The following DST variants were observed in gnomAD, a reference collection of about 807,000 sequenced individuals.
DST encodes the protein dystonin.
DST carries 253 observed loss-of-function variants against 875.2 expected under a neutral mutation model. The ratio of observed to expected loss-of-function variants is 0.29; its 90% CI spans 0.26 to 0.32. The LOEUF (loss-of-function observed/expected upper bound fraction) is 0.32, where lower values mean the gene tolerates loss of function less well. Ranked by LOEUF, DST falls within the 10% of genes least tolerant of loss-of-function variation. DST has a pLI of 1.00. For missense variants in DST, 8,287 were observed against 9,111.6 expected (o/e 0.91, Z 3.68); for synonymous variants, 3,124 against 3,197.1 (o/e 0.98, Z 0.77).
At chr6:56,673,932 T>G (rs987434983) in intron 9 of DST, among the ~76,000 whole-genome samples, 1 of 152,220 alleles carries the variant, frequency 6.6e-6, no homozygotes, top group East Asian at 1.9e-4. Context: ...AGGTATTTTT[T>G]AAAATACTGT....
intron 88 of DST, chr6:56,484,801 TAGCATAA>T (rs1257601376): frequency 6.5e-6 from 1 of 152,712 alleles, no homozygotes; most frequent in Non-Finnish European, 1.5e-5. Context: ...AAATCCCTTA[TAGCATAA>T]GCTGCTGACT....
rs1221723235 is a variant in DST at position 56,714,937 on chromosome 6, T to C, written c.688-10568A>G. Among the ~76,000 whole-genome samples the C allele has an allele frequency of 2.6e-5, 4 of 152,240 alleles. No homozygotes were observed. The highest frequency in any genetic ancestry group is 9.6e-5 in the African/African-American group (4 of 41,476). ...AGTACACCAATCATCATTTTACTTA[T>C]AGTTTTATGTAGACAATATACATAA... On this transcript the variant is annotated intron_variant, in intron 5 of 103. Coordinates refer to ENST00000680361, the MANE Select transcript of DST (RefSeq NM_001374736.1). This position sits in a 1 kb window ranked among gnomAD's most constrained non-coding sequence, Gnocchi z 4.5.
intron 2 of DST, among the ~76,000 whole-genome samples, chr6:56,908,001 G>A (rs972284015): frequency 3.9e-5 from 6 of 152,102 alleles, no homozygotes; most frequent in Admixed American, 1.3e-4. Flanking sequence ...GCCCAGGGGC[G>A]GAGGTTGCAG....
At chr6:56,527,106 A>C (rs1162846434) in intron 68 of DST, among the ~76,000 whole-genome samples, 1 of 152,212 alleles carries the variant, frequency 6.6e-6, no homozygotes, top group Non-Finnish European at 1.5e-5. Context: ...AGGAATGATT[A>C]CCATGCAGTG....
intron 4 of DST, among the ~76,000 whole-genome samples, chr6:56,786,563 C>T (rs543956538): frequency 1.2e-4 from 18 of 152,298 alleles, no homozygotes; most frequent in Admixed American, 6.5e-4. Context: ...GACAGAGTCT[C>T]GCTCTGTCAC....
chr6:56,712,333 A>G (rs183582910), intron 5 of DST, among the ~76,000 whole-genome samples: 138 of 152,274 alleles, frequency 9.1e-4, no homozygotes, highest in Non-Finnish European at 1.5e-3. Flanking sequence ...GGAGAAACCA[A>G]TCCATATCCT....
rs533023595 is a variant in DST at position 56,476,182 on chromosome 6, G to A, written c.21831C>T (p.Ile7277=). 1.1e-5 allele frequency: 17 copies of A among 1,611,656 alleles called. No homozygotes were observed. The highest frequency in any genetic ancestry group is 1.6e-4 in the Middle Eastern group (1 of 6,072). ...DKDKEVIPQE[I]EEVKALIAEH... The stretch of plus-strand genomic sequence containing the variant: ...CTGCAATGAGTGCTTTCACCTCTTC[G>A]ATCTCCTGGGGGATGACTTCTTTAT... Residue 7277 remains isoleucine, a synonymous_variant, in exon 92 of 104, where the codon ATC becomes ATT. Transcript: ENST00000680361.
At chr6:56,771,311 A>C (rs2099661861) in intron 4 of DST, among the ~76,000 whole-genome samples, 1 of 152,160 alleles carries the variant, frequency 6.6e-6, no homozygotes. Context: ...CAGGGCCCCC[A>C]ATTTAGGCTA....
At chr6:56,755,042 T>C (rs1189885705) in intron 4 of DST, among the ~76,000 whole-genome samples, 5 of 150,388 alleles carry the variant, frequency 3.3e-5, no homozygotes, top group East Asian at 2.0e-4. Flanking sequence ...TCCAGGACTA[T>C]AAAAAATACC....
intron 2 of DST, among the ~76,000 whole-genome samples, chr6:56,918,113 G>C (rs938036163): frequency 2.0e-5 from 3 of 148,960 alleles, no homozygotes; most frequent in African/African-American, 7.6e-5. Context: ...TCAGGTTCAG[G>C]TGTACATTCT....
At chr6:56,755,942 T>A (rs1302684784) in intron 4 of DST, among the ~76,000 whole-genome samples, 2 of 152,230 alleles carry the variant, frequency 1.3e-5, no homozygotes, top group Admixed American at 6.5e-5. Flanking sequence ...AGGGGCCTGA[T>A]CTAGCTCTTC....
intron 47 of DST, among the ~76,000 whole-genome samples, chr6:56,596,351 G>A (rs2098386702): frequency 1.3e-5 from 2 of 152,136 alleles, no homozygotes; most frequent in Admixed American, 6.6e-5. Flanking sequence ...CTAAAGCACA[G>A]ATTCCCATAT....
intron 4 of DST, among the ~76,000 whole-genome samples, chr6:56,744,240 T>C (rs1250444424): frequency 6.6e-6 from 1 of 151,790 alleles, no homozygotes; most frequent in Non-Finnish European, 1.5e-5. Flanking sequence ...TTAATGACTC[T>C]AAAGAGTGGA....
At chr6:56,540,430 C>T (rs1423899788) in intron 61 of DST, 1 of 152,600 alleles carries the variant, frequency 6.6e-6, no homozygotes, top group African/African-American at 2.4e-5. Flanking sequence ...GAGGAGCCTC[C>T]ACTTCCTCTT....
At chr6:56,508,882 G>C (rs1349441629) in intron 74 of DST, 127 bp from the exon 75 acceptor site, 7 of 693,058 alleles carry the variant, frequency 1.0e-5, no homozygotes, top group Non-Finnish European at 1.7e-5. Context: ...ACCAAGTTTT[G>C]AATGACCCCA....
In DST at chr6:56,552,361, C is replaced by T. The variant is rs1189674493; in HGVS notation, c.16431G>A (p.Leu5477=). Residue 5477 remains leucine (L), a synonymous_variant, in exon 61 of 104, where the codon CTG becomes CTA. Transcript: ENST00000680361. ...EALSKQCNKL[L]DRAQAREEQV... is the part of the protein sequence containing the mutation. Reference sequence around the variant, plus strand: ...GCTCTTCTCTGGCTTGGGCTCGGTCCAGTAACTTGTTGCATTGTTTGCTTA... The same window carrying T: ...GCTCTTCTCTGGCTTGGGCTCGGTCTAGTAACTTGTTGCATTGTTTGCTTA... 1 of 1,613,940 alleles carries T rather than the reference C, an allele frequency of 6.2e-7. No individual in the cohort carries two copies. The highest frequency in any genetic ancestry group is 1.1e-5 in the South Asian group (1 of 91,068).
intron 59 of DST, among the ~76,000 whole-genome samples, chr6:56,556,392 C>G (rs2097418991): frequency 6.6e-6 from 1 of 152,096 alleles, no homozygotes; most frequent in African/African-American, 2.4e-5. Context: ...CAACTTGACT[C>G]ATAAAATTAA....
chr6:56,893,564 T>TTC (rs1788822722), intron 3 of DST, among the ~76,000 whole-genome samples: 1 of 86,872 alleles, frequency 1.2e-5, no homozygotes. Flanking sequence ...TTTTAGTTCT[T>TTC]TTTTTTTTTT....
chr6:56,854,869 C>T (rs928584168), intron 3 of DST, among the ~76,000 whole-genome samples: 1 of 152,126 alleles, frequency 6.6e-6, no homozygotes, highest in African/African-American at 2.4e-5. Flanking sequence ...GCAAACTTTG[C>T]ATATCATTTT....
Sources: allele counts gnomAD v4.1 joint callset (sites outside exome capture counted in the v4.1 genomes callset), GRCh38; gene constraint gnomAD v4.1.1; non-coding constraint Gnocchi (gnomAD v3.1); transcripts MANE v1.5; gene names NCBI Gene and HGNC (gene_info 2026-07-23, HGNC 2026-07-21).